Variants in ASIC2 observed in about 807,000 individuals in gnomAD.
ASIC2 encodes the protein acid-sensing ion channel 2.
A neutral mutation model predicts 57.3 loss-of-function variants in ASIC2; 25 were observed. The ratio of observed to expected loss-of-function variants is 0.44; its 90% CI spans 0.32 to 0.61. ASIC2 has a LOEUF of 0.61. Ranked by LOEUF, ASIC2 falls within the 20% of genes least tolerant of loss-of-function variation. The pLI is 0.06. For missense variants in ASIC2, 641 were observed against 738.1 expected, an observed-to-expected ratio of 0.87 and a Z score of 1.52; for synonymous variants, 319 against 307.5, an observed-to-expected ratio of 1.04 and a Z score of -0.39.
chr17:33,891,629 T>C (rs1451254608), intron 1 of ASIC2, among the ~76,000 whole-genome samples: 1 of 152,200 alleles, frequency 6.6e-6, no homozygotes, highest in Non-Finnish European at 1.5e-5. Context: ...TTAACACATT[T>C]CATTTTTCCC....
intron 1 of ASIC2, among the ~76,000 whole-genome samples, chr17:34,088,817 C>G (rs954006721): frequency 1.3e-5 from 2 of 152,224 alleles, no homozygotes; most frequent in Non-Finnish European, 2.9e-5. Flanking sequence ...AGCGAGACTC[C>G]GTGGGCGTAG....
At chr17:33,581,918 C>A (rs1904454784) in intron 1 of ASIC2, among the ~76,000 whole-genome samples, 1 of 152,142 alleles carries the variant, frequency 6.6e-6, no homozygotes, top group Non-Finnish European at 1.5e-5. Flanking sequence ...GCTTCCCTGA[C>A]CGTAGACCCA....
chr17:33,021,274 A>G lies in ASIC2; in HGVS notation c.1386T>C (p.Ala462=). ...TCTGTTCAATTGTCTCATAATTGAG[A>G]GCTTCAAAAAATATATCCAGAACAA... is the stretch of plus-strand genomic sequence containing the variant. The part of the protein sequence containing the change: ...NILVLDIFFE[A]LNYETIEQKK... The change falls in exon 7 of 10, where the codon GCT becomes GCC. Residue 462 remains alanine (A), a synonymous_variant. Coordinates refer to ENST00000225823, the MANE Select transcript of ASIC2 (RefSeq NM_183377.2). The G allele has an allele frequency of 6.2e-7, 1 of 1,611,266 alleles. No homozygotes were observed. The highest frequency in any genetic ancestry group is 8.5e-7 in the Non-Finnish European group (1 of 1,178,866).
At chr17:33,442,698 TAAAG>T (rs933067675) in intron 1 of ASIC2, among the ~76,000 whole-genome samples, 2 of 152,172 alleles carry the variant, frequency 1.3e-5, no homozygotes, top group African/African-American at 4.8e-5. Context: ...ACAGGCTTTC[TAAAG>T]GATCATGTTT....
rs374541444 is a variant in ASIC2, at chr17:33,360,487, C to A, written c.556-248420G>T. On this transcript the variant is annotated intron_variant, in intron 1 of 9. Coordinates refer to the ASIC2 transcript ENST00000359872. ...TGGGCTCCAGCTTCTCTCTGAATACCCTTGCCTCTGCCTGTAGCCCACCTC... is the reference window on the plus strand; with the variant it reads ...TGGGCTCCAGCTTCTCTCTGAATACACTTGCCTCTGCCTGTAGCCCACCTC... 2.6e-5 allele frequency among the ~76,000 whole-genome samples: 4 copies of A among 152,170 alleles called. No homozygotes were observed. In the East Asian group the frequency reaches 5.8e-4, roughly 22 times the overall value.
chr17:33,461,717 G>T (rs1044541853), intron 1 of ASIC2, among the ~76,000 whole-genome samples: 10 of 152,088 alleles, frequency 6.6e-5, no homozygotes, highest in African/African-American at 2.2e-4. Flanking sequence ...TATCTACAGG[G>T]GTAATACCCA....
rs542868629 is a variant in ASIC2, at chr17:33,880,865, A to C, written c.555+275113T>G. On this transcript the variant is annotated intron_variant, in intron 1 of 9. Transcript: ENST00000359872. ...ACATCGATGCAAAAATCCTCAATAA[A>C]ATACTGGCAAACCGAATCCAGCAGC... Among the ~76,000 whole-genome samples the C allele has an allele frequency of 4.2e-4, 64 of 152,304 alleles. No individual in the cohort carries two copies. In the South Asian group the frequency reaches 0.013, roughly 32 times the overall value.
intron 1 of ASIC2, among the ~76,000 whole-genome samples, chr17:33,659,116 G>C (rs1241401755): frequency 6.6e-6 from 1 of 152,240 alleles, no homozygotes; most frequent in African/African-American, 2.4e-5. Flanking sequence ...GACCACAGCA[G>C]CACGCAGGGC....
chr17:33,855,636 T>C (rs541080455), intron 1 of ASIC2, among the ~76,000 whole-genome samples: 1 of 152,188 alleles, frequency 6.6e-6, no homozygotes, highest in South Asian at 2.1e-4. Context: ...ATGATGCTGA[T>C]GATGGGGATG....
At chr17:33,107,275 A>G (rs1408517234) in intron 2 of ASIC2, among the ~76,000 whole-genome samples, 1 of 152,252 alleles carries the variant, frequency 6.6e-6, no homozygotes, top group Admixed American at 6.5e-5. Flanking sequence ...GAGCTTTTCC[A>G]TGAAAACGAA....
At chr17:33,045,191 T>G (rs920488531) in intron 3 of ASIC2, among the ~76,000 whole-genome samples, 3 of 152,146 alleles carry the variant, frequency 2.0e-5, no homozygotes, top group Non-Finnish European at 2.9e-5. Flanking sequence ...GTATCACCCT[T>G]GTTAAATGAT....
intron 1 of ASIC2, among the ~76,000 whole-genome samples, chr17:33,347,013 A>G (rs1907975175): frequency 6.6e-6 from 1 of 152,190 alleles, no homozygotes; most frequent in South Asian, 2.1e-4. Context: ...AGTTTGATGG[A>G]GTGTGTGTGC....
chr17:33,785,577 T>C (rs551357586), intron 1 of ASIC2, among the ~76,000 whole-genome samples: 17 of 152,210 alleles, frequency 1.1e-4, no homozygotes, highest in African/African-American at 2.4e-4. Flanking sequence ...CTAATGCCTA[T>C]ATTTTTCATC....
intron 1 of ASIC2, among the ~76,000 whole-genome samples, chr17:33,614,870 T>C (rs1467372365): frequency 6.6e-6 from 1 of 152,232 alleles, no homozygotes; most frequent in Non-Finnish European, 1.5e-5. Flanking sequence ...TCTGCCACTT[T>C]CCAGCTGTGG....
chr17:33,730,553 T>A (rs940867723), intron 1 of ASIC2, among the ~76,000 whole-genome samples: 6 of 152,252 alleles, frequency 3.9e-5, no homozygotes, highest in Non-Finnish European at 8.8e-5. Flanking sequence ...ACATATTGAC[T>A]ACTTGAATAT....
chr17:34,106,516 T>G (rs1005090196), intron 1 of ASIC2, among the ~76,000 whole-genome samples: 1 of 152,200 alleles, frequency 6.6e-6, no homozygotes, highest in African/African-American at 2.4e-5. Flanking sequence ...TCTGCATGTA[T>G]GTATGTATGC....
intron 1 of ASIC2, among the ~76,000 whole-genome samples, chr17:33,918,333 C>A (rs752664912): frequency 4.6e-5 from 7 of 152,152 alleles, no homozygotes; most frequent in Non-Finnish European, 1.0e-4. Flanking sequence ...AGCTTTGTAA[C>A]TTGTCTGCCC....
chr17:33,497,381 T>A (rs1461455267), intron 1 of ASIC2, among the ~76,000 whole-genome samples: 1 of 152,236 alleles, frequency 6.6e-6, no homozygotes, highest in Non-Finnish European at 1.5e-5. Context: ...AGGGTTCACC[T>A]TGGGGTATAT....
At chr17:33,818,088 C>T (rs1216526302) in intron 1 of ASIC2, among the ~76,000 whole-genome samples, 1 of 152,184 alleles carries the variant, frequency 6.6e-6, no homozygotes, top group Non-Finnish European at 1.5e-5. Flanking sequence ...ACTTCATTCT[C>T]TTCATCAGCG....
Sources: allele counts gnomAD v4.1 joint callset (sites outside exome capture counted in the v4.1 genomes callset), GRCh38; gene constraint gnomAD v4.1.1; transcripts MANE v1.5; gene names NCBI Gene and HGNC (gene_info 2026-07-23, HGNC 2026-07-21).